ZNF669: variants seen among roughly 807,000 people sequenced by gnomAD.
The protein encoded by ZNF669 is zinc finger protein 669.
A neutral mutation model predicts 11.4 loss-of-function variants in ZNF669; 7 were observed. The observed-to-expected ratio is 0.62, with a 90% CI of 0.35 to 1.16. The LOEUF is 1.16. Ranked by LOEUF, ZNF669 falls within the 50% of genes most tolerant of loss-of-function variation. The pLI is 0.02. For synonymous variants in ZNF669, 153 were observed against 155.8 expected, an observed-to-expected ratio of 0.98 and a Z score of 0.13; for missense variants, 492 against 463.6, an observed-to-expected ratio of 1.06 and a Z score of -0.56.
intron 1 of ZNF669, 88 bp from the exon 2 acceptor site, chr1:247,102,201 T>C (rs961915783): frequency 3.4e-6 from 5 of 1,453,080 alleles, no homozygotes; most frequent in South Asian, 2.8e-5. Flanking sequence ...GTTTACATGA[T>C]TTGATAATTT....
chr1:247,104,137 C>A, intron 1 of ZNF669, 60 bp downstream of exon 1: 1 of 1,582,978 alleles, frequency 6.3e-7, no homozygotes, highest in South Asian at 1.2e-5. Context: ...CGAGTCGCGC[C>A]ACAGCAGGTT....
chr1:247,103,847 A>C, intron 1 of ZNF669: 3 of 1,435,208 alleles, frequency 2.1e-6, no homozygotes, highest in South Asian at 1.4e-5. Flanking sequence ...TGGAAGCCCC[A>C]TGAACCACAG....
At chr1:247,104,085 G>A (rs1671790904) in intron 1 of ZNF669, 112 bp downstream of exon 1, 1 of 1,589,390 alleles carries the variant, frequency 6.3e-7, no homozygotes, top group Admixed American at 1.8e-5. Flanking sequence ...CTACGCCACG[G>A]CGACTCGGTC....
chr1:247,104,268 GAGGCTGCTGCAGAGCC>G lies in ZNF669; in HGVS notation c.-85_-70del. ...AATACTCGCAGGTCACAGGGTGGCA[GAGGCTGCTGCAGAGCC>G]ACCTGGGCCTCCCAGAGCCAAGAAC... On this transcript the variant is annotated 5_prime_UTR_variant, in exon 1 of 4. Transcript: ENST00000448299. The G allele has an allele frequency of 1.4e-6, 2 of 1,466,840 alleles. No individual in the cohort carries two copies. The highest frequency in any genetic ancestry group is 1.8e-6 in the Non-Finnish European group (2 of 1,111,030). 90.9% of individuals were successfully genotyped at this position (1,466,840 alleles called of 1,614,324 possible). A position where few individuals can be genotyped will look rare whatever the true frequency, so the allele number is the denominator to read the frequency against.
At chr1:247,101,679 C>T in intron 3 of ZNF669, 52 bp downstream of exon 3, 1 of 1,488,274 alleles carries the variant, frequency 6.7e-7, no homozygotes, top group Non-Finnish European at 9.2e-7. Context: ...AAGTTCATGA[C>T]ATGCTAAGAT....
Position 247,100,397 on chromosome 1 carries a change from C to T in ZNF669, c.1114G>A (p.Gly372Ser). 1 of 1,607,894 alleles carries T rather than the reference C, an allele frequency of 6.2e-7. No homozygotes were observed. The highest frequency in any genetic ancestry group is 8.5e-7 in the Non-Finnish European group (1 of 1,175,706). ...DSAYNPSTLG[G>S]QGVWIA ...GCTCAAGCAATCCACACGCCTTGGC[C>T]TCCCAAAGTGCTGGGATTATAGGCT... The change falls in exon 4 of 4, where the codon GGC (glycine) becomes AGC (serine). Residue 372 changes from glycine to serine, a missense_variant. Physicochemically the swap from Gly to Ser is moderately conservative, Grantham distance 56 (BLOSUM62 0). Transcript: ENST00000448299.
In ZNF669 at chr1:247,100,092, C is replaced by T; in HGVS notation, c.*282G>A. 1 of 300,626 alleles carries T rather than the reference C, an allele frequency of 3.3e-6. No individual in the cohort carries two copies. Among genetic ancestry groups the T allele is most frequent in the Non-Finnish European group, 6.2e-6 (1 of 161,364 alleles). The allele number at this position is 300,626 out of a possible 1,614,324, so 18.6% of individuals were successfully genotyped here. The stretch of plus-strand genomic sequence containing the variant: ...TTCCGCCTCCCGGGTTCATGCCATT[C>T]TCCTGCCTCAGCCTCCCGAGTAACT... On this transcript the variant is annotated 3_prime_UTR_variant, in exon 4 of 4. Transcript: ENST00000448299.
chr1:247,100,483 C>T lies in ZNF669; in HGVS notation c.1028G>A (p.Arg343His), dbSNP rs748913715. The change falls in exon 4 of 4, where the codon CGT becomes CAT. Residue 343 changes from arginine to histidine, a missense_variant. Physicochemically the swap from Arg to His is conservative, Grantham distance 29. Transcript: ENST00000448299. The stretch of plus-strand genomic sequence containing the variant: ...TTCATGGCGAGTAAGGTGACTGGAA[C>T]GAGTGTAGGCTTTACCGCATTTCTT... ...ECKKCGKAYT[R>H]SSHLTRHERS... is the part of the protein sequence containing the mutation. The T allele has an allele frequency of 2.2e-5, 36 of 1,614,080 alleles. No individual in the cohort carries two copies. Among genetic ancestry groups the T allele is most frequent in the Middle Eastern group, 1.6e-4 (1 of 6,080 alleles).
chr1:247,104,096 C>A, intron 1 of ZNF669, 101 bp downstream of exon 1: 1 of 1,595,818 alleles, frequency 6.3e-7, no homozygotes, highest in Non-Finnish European at 8.5e-7. Flanking sequence ...CGACTCGGTC[C>A]GCAGGTTCCG....
Position 247,101,144 on chromosome 1 carries a change from G to C in ZNF669, c.367C>G (p.Leu123Val). The C allele has an allele frequency of 6.2e-7, 1 of 1,614,084 alleles. No homozygotes were observed. Among genetic ancestry groups the C allele is most frequent in the Non-Finnish European group, 8.5e-7 (1 of 1,180,006 alleles). The change falls in exon 4 of 4, where the codon CTA (leucine) becomes GTA (valine). Residue 123 changes from leucine (L) to valine (V), a missense_variant. Physicochemically the swap from Leu to Val is conservative, Grantham distance 32. Transcript: ENST00000448299. ...VRHSLLNRHI[L>V]AHSGYKPYGE... ...TATGGTTTGTATCCTGAGTGAGCTA[G>C]GATATGCCTATTAAGGAGGGAATGA...
rs772473485 is a variant in ZNF669 at position 247,100,604 on chromosome 1, G to A, written c.907C>T (p.Pro303Ser). ...TGATCACATTGTTTACATTCATAGGGTTTCTCTCCGGTATGAGTACTTCTA... is the reference window on the plus strand; with the variant it reads ...TGATCACATTGTTTACATTCATAGGATTTCTCTCCGGTATGAGTACTTCTA... ...NHRSTHTGEK[P>S]YECKQCDQAF... Residue 303 changes from proline to serine, a missense_variant, in exon 4 of 4, where the codon CCC becomes TCC. Physicochemically the swap from Pro to Ser is moderately conservative, Grantham distance 74 (BLOSUM62 -1). Transcript: ENST00000448299. 6.2e-6 allele frequency: 10 copies of A among 1,614,172 alleles called. No homozygotes were observed. The East Asian group carries it at 6.7e-5, about 11-fold the overall frequency.
At chr1:247,102,217 C>T in intron 1 of ZNF669, 104 bp from the exon 2 acceptor site, 1 of 1,374,048 alleles carries the variant, frequency 7.3e-7, no homozygotes, top group East Asian at 2.4e-5. Context: ...AATTTCCAAG[C>T]ATTTATTCTA....
In ZNF669 at chr1:247,104,325, A is replaced by C; in HGVS notation, c.-126T>G. On this transcript the variant is annotated 5_prime_UTR_variant, in exon 1 of 4. Transcript: ENST00000448299. Reference sequence around the variant, plus strand: ...AGCCAAGAACTAGCAGCGGAGACTAACAGGAAGAGCCGGCTCCGGCGAAGG... The same window carrying C: ...AGCCAAGAACTAGCAGCGGAGACTACCAGGAAGAGCCGGCTCCGGCGAAGG... 1 of 1,283,684 alleles carries C rather than the reference A, an allele frequency of 7.8e-7. No individual in the cohort carries two copies. Among genetic ancestry groups the C allele is most frequent in the Non-Finnish European group, 1.0e-6 (1 of 980,822 alleles). 79.5% of individuals were successfully genotyped at this position (1,283,684 alleles called of 1,614,324 possible).
rs745652668 is a variant in ZNF669, at chr1:247,101,244, A to T, written c.267T>A (p.Asn89Lys). ...TAGAAATGTTCTCGTTCAGATCAAG[A>T]TTTGGAATTTGGCTGACAACTTCTC... is the stretch of plus-strand genomic sequence containing the variant. The part of the protein sequence containing the change: ...QYGEVVSQIP[N>K]LDLNENISTG... Residue 89 changes from asparagine (N) to lysine (K), a missense_variant, in exon 4 of 4, where the codon AAT (asparagine) becomes AAA (lysine). Transcript: ENST00000448299. 1.9e-6 allele frequency: 3 copies of T among 1,613,484 alleles called. No homozygotes were observed. Among genetic ancestry groups the T allele is most frequent in the Non-Finnish European group, 2.5e-6 (3 of 1,179,780 alleles).
chr1:247,101,805 C>G lies in ZNF669; in HGVS notation c.131-14G>C. The G allele has an allele frequency of 6.2e-7, 1 of 1,613,034 alleles. No homozygotes were observed. Among genetic ancestry groups the G allele is most frequent in the South Asian group, 1.1e-5 (1 of 90,770 alleles). On this transcript the variant is annotated splice_polypyrimidine_tract_variant and intron_variant, in intron 2 of 3. Transcript: ENST00000448299. ...TCCATTGGCTTCCTAAAATGCAGACCCATAAAATTATCATGAATTATTACA... is the reference window on the plus strand; with the variant it reads ...TCCATTGGCTTCCTAAAATGCAGACGCATAAAATTATCATGAATTATTACA...
chr1:247,101,214 T>G lies in ZNF669; in HGVS notation c.297A>C (p.Gly99=). The change falls in exon 4 of 4, where the codon GGA becomes GGC. Residue 99 remains glycine, a synonymous_variant. Transcript: ENST00000448299. The stretch of plus-strand genomic sequence containing the variant: ...AAATACTGCATTCACATGGTTTTAA[T>G]CCAGTAGAAATGTTCTCGTTCAGAT... ...NLDLNENIST[G]LKPCECSICG... The G allele has an allele frequency of 6.2e-7, 1 of 1,614,080 alleles. No homozygotes were observed. Among genetic ancestry groups the G allele is most frequent in the Non-Finnish European group, 8.5e-7 (1 of 1,180,008 alleles).
At position 247,104,313 on chromosome 1, in the gene ZNF669, C is replaced by T. The variant is rs941142695; in HGVS notation, c.-114G>A. On this transcript the variant is annotated 5_prime_UTR_variant, in exon 1 of 4. Coordinates refer to ENST00000448299, the MANE Select transcript of ZNF669 (RefSeq NM_001142572.2). The stretch of plus-strand genomic sequence containing the variant: ...TGGGCCTCCCAGAGCCAAGAACTAG[C>T]AGCGGAGACTAACAGGAAGAGCCGG... 1.1e-5 allele frequency: 15 copies of T among 1,342,242 alleles called. No individual in the cohort carries two copies. The highest frequency in any genetic ancestry group is 1.7e-5 in the South Asian group (1 of 57,760). 83.1% of individuals were successfully genotyped at this position (1,342,242 alleles called of 1,614,324 possible).
At chr1:247,101,859 T>C (rs1200703211) in intron 2 of ZNF669, 68 bp from the exon 3 acceptor site, 2 of 1,601,732 alleles carry the variant, frequency 1.2e-6, no homozygotes, top group Non-Finnish European at 1.7e-6. Context: ...AGATTTAATG[T>C]TCACTGTACA....
rs1296187896 is a variant in ZNF669 at position 247,101,737 on chromosome 1, T to G, written c.185A>C (p.Asp62Ala). Residue 62 changes from aspartate to alanine, a missense_variant, in exon 3 of 4, where the codon GAT (aspartate) becomes GCT (alanine). Coordinates refer to ENST00000448299, the MANE Select transcript of ZNF669 (RefSeq NM_001142572.2). ...TCTGCTCAGTGCAAATTACCTTATA[T>G]CTTTCCCAGGTTTTTCGAAGTGATC... The part of the protein sequence containing the change: ...IEDHFEKPGK[D>A]IRNHIVQRLC... 6.2e-7 allele frequency: 1 copy of G among 1,614,016 alleles called. No homozygotes were observed. Among genetic ancestry groups the G allele is most frequent in the Admixed American group, 1.7e-5 (1 of 60,000 alleles).
Sources: gnomAD v4.1 joint callset for allele counts on GRCh38, gnomAD v4.1.1 for gene constraint, MANE v1.5 for transcripts, NCBI Gene and HGNC (gene_info 2026-07-23, HGNC 2026-07-21) for gene names.